LOC128462377: variants seen among roughly 807,000 people sequenced by gnomAD.
At chr16:89,404,004 G>A in the LOC128462377 span, among the ~76,000 whole-genome samples, 2 of 152,172 alleles carry the variant, frequency 1.3e-5, no homozygotes, top group African/African-American at 4.8e-5. Flanking sequence ...TAGGGTGAAA[G>A]AATGCAAGAG....
chr16:89,361,979 G>A, the LOC128462377 span, among the ~76,000 whole-genome samples: 1 of 152,324 alleles, frequency 6.6e-6, no homozygotes, highest in East Asian at 1.9e-4. Flanking sequence ...CCAGGGGCTT[G>A]TGAGAGTGGC....
the LOC128462377 span, among the ~76,000 whole-genome samples, chr16:89,332,178 T>C: frequency 6.6e-6 from 1 of 152,072 alleles, no homozygotes; most frequent in African/African-American, 2.4e-5. Context: ...AGCTGCAGAA[T>C]GTGTCACAGA....
the LOC128462377 span, among the ~76,000 whole-genome samples, chr16:89,364,548 T>A: frequency 6.6e-6 from 1 of 152,178 alleles, no homozygotes; most frequent in Non-Finnish European, 1.5e-5. Flanking sequence ...AGCACAGCAG[T>A]CAGACCCTAA....
chr16:89,332,202 C>T, the LOC128462377 span, among the ~76,000 whole-genome samples: 4 of 152,030 alleles, frequency 2.6e-5, no homozygotes, highest in South Asian at 2.1e-4. Flanking sequence ...GACTTCCTTA[C>T]GTATTAAAGA....
chr16:89,399,661 G>A, the LOC128462377 span, among the ~76,000 whole-genome samples: 4 of 152,212 alleles, frequency 2.6e-5, no homozygotes, highest in Admixed American at 2.6e-4. Context: ...CGGCCTGTGG[G>A]TGATGATGAC....
At chr16:89,354,255 A>G in the LOC128462377 span, among the ~76,000 whole-genome samples, 2 of 151,904 alleles carry the variant, frequency 1.3e-5, no homozygotes, top group Admixed American at 6.6e-5. Flanking sequence ...AAAAAAAAAA[A>G]AAAAAGAAAA....
chr16:89,324,752 T>C, the LOC128462377 span: 2 of 315,468 alleles, frequency 6.3e-6, no homozygotes, highest in South Asian at 5.0e-5. Flanking sequence ...CAGGGGTTCT[T>C]GGGCCTTCGG....
the LOC128462377 span, among the ~76,000 whole-genome samples, chr16:89,386,163 A>G: frequency 1.2e-4 from 18 of 152,372 alleles, no homozygotes; most frequent in Admixed American, 5.2e-4. Flanking sequence ...CCGGCTTCCA[A>G]TGAACAATTC....
At chr16:89,348,873 T>TA in the LOC128462377 span, among the ~76,000 whole-genome samples, 1,402 of 130,354 alleles carry the variant, frequency 0.011, 12 homozygotes, top group African/African-American at 0.026. Context: ...TTATTGTCTT[T>TA]AAAAAAAAAA....
the LOC128462377 span, chr16:89,324,181 G>T: frequency 6.0e-6 from 7 of 1,159,226 alleles, no homozygotes; most frequent in South Asian, 7.9e-5. Context: ...TCACGGCGGG[G>T]GGTGGCAGCA....
the LOC128462377 span, among the ~76,000 whole-genome samples, chr16:89,407,484 C>G: frequency 6.6e-6 from 1 of 152,128 alleles, no homozygotes; most frequent in Admixed American, 6.6e-5. Flanking sequence ...CCACGTTCGC[C>G]TCGTCAGGGC....
the LOC128462377 span, among the ~76,000 whole-genome samples, chr16:89,415,049 A>G: frequency 6.6e-6 from 1 of 151,808 alleles, no homozygotes; most frequent in East Asian, 1.9e-4. Flanking sequence ...GGCTCAAGTG[A>G]TCCTTCCTCC....
At chr16:89,323,781 C>A in the LOC128462377 span, 1 of 252,310 alleles carries the variant, frequency 4.0e-6, no homozygotes, top group South Asian at 4.3e-5. Context: ...CACCAGCTCT[C>A]TCTCCTTCCC....
chr16:89,356,357 G>C, the LOC128462377 span, among the ~76,000 whole-genome samples: 8 of 151,930 alleles, frequency 5.3e-5, no homozygotes, highest in African/African-American at 1.9e-4. Flanking sequence ...AGAAGGATGT[G>C]ATCCATCAGC....
chr16:89,389,206 G>A, the LOC128462377 span, among the ~76,000 whole-genome samples: 1 of 151,220 alleles, frequency 6.6e-6, no homozygotes, highest in African/African-American at 2.4e-5. Flanking sequence ...TTTACTTTTA[G>A]TAGAGATGAG....
At chr16:89,340,640 T>C in the LOC128462377 span, among the ~76,000 whole-genome samples, 1 of 152,222 alleles carries the variant, frequency 6.6e-6, no homozygotes, top group Admixed American at 6.5e-5. Context: ...GCACATCATC[T>C]TTTTTTCTAA....
the LOC128462377 span, among the ~76,000 whole-genome samples, chr16:89,359,259 A>C: frequency 6.6e-6 from 1 of 152,218 alleles, no homozygotes; most frequent in African/African-American, 2.4e-5. Flanking sequence ...TGCTAGATGC[A>C]AACTGCTTGA....
the LOC128462377 span, among the ~76,000 whole-genome samples, chr16:89,394,685 C>T: frequency 1.3e-5 from 2 of 151,612 alleles, no homozygotes; most frequent in African/African-American, 4.8e-5. Context: ...TTCCACTCCT[C>T]GTCTCAATAA....
the LOC128462377 span, among the ~76,000 whole-genome samples, chr16:89,380,819 G>A: frequency 5.3e-5 from 8 of 152,270 alleles, no homozygotes; most frequent in Non-Finnish European, 1.2e-4. Context: ...TGGGGCTTAT[G>A]GGAGGAAGGA....
Sources: allele counts gnomAD v4.1 joint callset (sites outside exome capture counted in the v4.1 genomes callset), GRCh38; gene constraint gnomAD v4.1.1; transcripts MANE v1.5.